The following TECRL variants were observed in gnomAD, a reference collection of about 807,000 sequenced individuals.
TECRL encodes the protein trans-2,3-enoyl-CoA reductase like.
A neutral mutation model predicts 52.8 loss-of-function variants in TECRL; 63 were observed. The ratio of observed to expected loss-of-function variants is 1.19; its 90% confidence interval spans 0.97 to 1.47. TECRL has a LOEUF of 1.47. Among genes scored for constraint, TECRL ranks in the 40% most tolerant of loss-of-function variants. The probability of loss-of-function intolerance (pLI) is 0.00; values close to 1 mark genes in which losing one functional copy is unlikely to be tolerated. For missense variants in TECRL, 482 were observed against 429.6 expected, an observed-to-expected ratio of 1.12 and a Z score of -1.08; for synonymous variants, 164 against 141.9, an observed-to-expected ratio of 1.16 and a Z score of -1.10.
chr4:64,305,286 T>A (rs775350459), intron 6 of TECRL, 48 bp from the exon 7 acceptor site: 3 of 1,527,054 alleles, frequency 2.0e-6, no homozygotes, highest in Non-Finnish European at 2.7e-6. Context: ...ATATGTAATA[T>A]ATATTTCAAT....
chr4:64,325,406 G>C (rs1240243209), intron 3 of TECRL, among the ~76,000 whole-genome samples: 1 of 152,164 alleles, frequency 6.6e-6, no homozygotes, highest in African/African-American at 2.4e-5. Flanking sequence ...CACAAAAGAA[G>C]ATGGAAGTGG....
At chr4:64,324,683 A>G (rs1718129979) in intron 3 of TECRL, among the ~76,000 whole-genome samples, 1 of 152,152 alleles carries the variant, frequency 6.6e-6, no homozygotes, top group Non-Finnish European at 1.5e-5. Flanking sequence ...GTTAATGTAT[A>G]TGGTTCTCTG....
At chr4:64,374,261 A>G (rs1722215654) in intron 2 of TECRL, among the ~76,000 whole-genome samples, 2 of 150,718 alleles carry the variant, frequency 1.3e-5, no homozygotes, top group Non-Finnish European at 3.0e-5. Flanking sequence ...TTTCCATTTC[A>G]TTACGAATTT....
intron 2 of TECRL, among the ~76,000 whole-genome samples, chr4:64,347,549 G>A (rs748603772): frequency 2.0e-5 from 3 of 152,158 alleles, no homozygotes; most frequent in Non-Finnish European, 4.4e-5. Context: ...TGGCTGGGGA[G>A]GCCTCAGGAA....
chr4:64,401,297 T>C (rs1724344228), intron 1 of TECRL, among the ~76,000 whole-genome samples: 1 of 152,200 alleles, frequency 6.6e-6, no homozygotes, highest in African/African-American at 2.4e-5. Context: ...TTTTGAAGTA[T>C]CACACCATGT....
intron 2 of TECRL, among the ~76,000 whole-genome samples, chr4:64,343,914 A>G (rs138020466): frequency 6.6e-6 from 1 of 152,158 alleles, no homozygotes; most frequent in African/African-American, 2.4e-5. Flanking sequence ...TTTCATTTGT[A>G]ATCTATAGAA....
At chr4:64,311,644 A>C (rs1374925535) in intron 5 of TECRL, among the ~76,000 whole-genome samples, 1 of 152,206 alleles carries the variant, frequency 6.6e-6, no homozygotes, top group South Asian at 2.1e-4. Flanking sequence ...AGAAACCTCC[A>C]TAGAATGTAC....
chr4:64,277,409 T>C (rs1189140573), downstream of TECRL, among the ~76,000 whole-genome samples: 1 of 151,944 alleles, frequency 6.6e-6, no homozygotes, highest in East Asian at 1.9e-4. Context: ...TGACATTTCT[T>C]TTTAAGATCA....
intron 8 of TECRL, among the ~76,000 whole-genome samples, chr4:64,292,670 A>C (rs1231586060): frequency 2.0e-5 from 3 of 152,020 alleles, no homozygotes; most frequent in Non-Finnish European, 4.4e-5. Context: ...ACATTTTCTA[A>C]ACACACTCAC....
intron 1 of TECRL, among the ~76,000 whole-genome samples, chr4:64,387,988 A>G (rs1052880734): frequency 6.6e-6 from 1 of 151,404 alleles, no homozygotes; most frequent in Non-Finnish European, 1.5e-5. Flanking sequence ...TTTTCTTGGC[A>G]CCAGTTTGGT....
intron 2 of TECRL, among the ~76,000 whole-genome samples, chr4:64,344,447 G>T (rs1197168128): frequency 1.3e-5 from 2 of 151,954 alleles, no homozygotes; most frequent in African/African-American, 4.8e-5. Flanking sequence ...CACAATTTAG[G>T]ACATTTTATA....
intron 1 of TECRL, among the ~76,000 whole-genome samples, chr4:64,392,342 T>C (rs1723603070): frequency 6.6e-6 from 1 of 151,924 alleles, no homozygotes; most frequent in Admixed American, 6.6e-5. Flanking sequence ...TATTTGCGTC[T>C]ACACTTCTGA....
intron 1 of TECRL, among the ~76,000 whole-genome samples, chr4:64,398,046 A>C (rs867466989): frequency 1.4e-4 from 21 of 146,702 alleles, no homozygotes; most frequent in Middle Eastern, 3.5e-3. Flanking sequence ...TTATCTTTAA[A>C]AATTTTATTA....
Position 64,409,444 on chromosome 4 carries a change from G to C in TECRL, c.-93C>G. Reference sequence around the variant, plus strand: ...AGTTAAATACTGCTGGAGAACCTTTGAAAGGTCAAATGGTATGCCATTCCA... The same window carrying C: ...AGTTAAATACTGCTGGAGAACCTTTCAAAGGTCAAATGGTATGCCATTCCA... On this transcript the variant is annotated 5_prime_UTR_variant, in exon 1 of 12. Coordinates refer to ENST00000381210, the MANE Select transcript of TECRL (RefSeq NM_001010874.5). The C allele has an allele frequency of 6.6e-7, 1 of 1,520,670 alleles. No individual in the cohort carries two copies. Among genetic ancestry groups the C allele is most frequent in the Non-Finnish European group, 8.8e-7 (1 of 1,139,216 alleles). 94.2% of individuals were successfully genotyped at this position (1,520,670 alleles called of 1,614,324 possible). A position where few individuals can be genotyped will look rare whatever the true frequency, so the allele number is the denominator to read the frequency against.
At position 64,406,180 on chromosome 4, in the gene TECRL, G is replaced by T. The variant is rs13142377; in HGVS notation, c.234+2938C>A. On this transcript the variant is annotated intron_variant, in intron 1 of 11. Transcript: ENST00000381210. ...CGCGCGCGCGCGTGTGTGTGTGTGTGTATGTGTGTAATTAAGTTAAAGAAC... is the reference window on the plus strand; with the variant it reads ...CGCGCGCGCGCGTGTGTGTGTGTGTTTATGTGTGTAATTAAGTTAAAGAAC... Among the ~76,000 whole-genome samples, 20 of 151,574 alleles carry T rather than the reference G, an allele frequency of 1.3e-4. No homozygotes were observed. In the East Asian group the frequency reaches 1.4e-3, roughly 10 times the overall value.
chr4:64,372,443 C>T (rs1722039925), intron 2 of TECRL, among the ~76,000 whole-genome samples: 1 of 151,784 alleles, frequency 6.6e-6, no homozygotes, highest in African/African-American at 2.4e-5. Context: ...GTGGTTTTCT[C>T]TCTTTCTATT....
intron 7 of TECRL, among the ~76,000 whole-genome samples, chr4:64,304,352 T>G (rs1724203886): frequency 6.6e-6 from 1 of 152,138 alleles, no homozygotes; most frequent in Admixed American, 6.6e-5. Context: ...CAGACTGAAC[T>G]TGTTGGTTTT....
intron 2 of TECRL, among the ~76,000 whole-genome samples, chr4:64,339,750 G>T (rs1719417622): frequency 6.6e-6 from 1 of 151,986 alleles, no homozygotes; most frequent in Non-Finnish European, 1.5e-5. Context: ...CCAAACTAGA[G>T]ATTTCAAATA....
rs183507036 is a variant in TECRL at position 64,402,492 on chromosome 4, A to G, written c.234+6626T>C. Among the ~76,000 whole-genome samples the G allele has an allele frequency of 1.5e-3, 227 of 152,190 alleles. 1 individual carries two copies. The highest frequency in any genetic ancestry group is 3.4e-3 in the Middle Eastern group (1 of 294). ...TACAGTAATAATAGATATTTGAATC[A>G]TTACTGGGATGAGGAGTACATCTGC... is the stretch of plus-strand genomic sequence containing the variant. On this transcript the variant is annotated intron_variant, in intron 1 of 11. Coordinates refer to ENST00000381210, the MANE Select transcript of TECRL (RefSeq NM_001010874.5).
Sources: gnomAD v4.1 joint callset for allele counts (sites outside exome capture counted in the v4.1 genomes callset) on GRCh38, gnomAD v4.1.1 for gene constraint, MANE v1.5 for transcripts, NCBI Gene and HGNC (gene_info 2026-07-23, HGNC 2026-07-21) for gene names.